The following KIAA1958 variants were observed in gnomAD, a reference collection of about 807,000 sequenced individuals.
KIAA1958 encodes KIAA1958.
In KIAA1958, 14 loss-of-function variants were observed where a neutral mutation model predicts 47.2. The observed-to-expected ratio is 0.30, with a 90% CI of 0.20 to 0.46. The LOEUF is 0.46. Among genes scored for constraint, KIAA1958 ranks in the 20% least tolerant of loss-of-function variants. The pLI is 1.00. For synonymous variants in KIAA1958, 354 were observed against 353.3 expected (o/e 1.00, Z -0.02); for missense variants, 803 against 909.2 (o/e 0.88, Z 1.50).
Position 112,618,283 on chromosome 9 carries a change from G to A in KIAA1958, c.1172-27367G>A. Reference sequence around the variant, plus strand: ...TCACCTTTGCTGACGAGCTCATCCTGCGGAAAAGGGGACTGCTAAGCCGAT... The same window carrying A: ...TCACCTTTGCTGACGAGCTCATCCTACGGAAAAGGGGACTGCTAAGCCGAT... On this transcript the variant is annotated intron_variant, in intron 2 of 3. Coordinates refer to ENST00000337530, the MANE Select transcript of KIAA1958 (RefSeq NM_133465.4). This position sits in a 1 kb window ranked among gnomAD's most constrained non-coding sequence, Gnocchi z 7.1. 1 of 1,550,982 alleles carries A rather than the reference G, an allele frequency of 6.4e-7. No homozygotes were observed. Among genetic ancestry groups the A allele is most frequent in the Non-Finnish European group, 8.7e-7 (1 of 1,147,072 alleles).
chr9:112,496,383 G>T (rs1834052095), intron 1 of KIAA1958, among the ~76,000 whole-genome samples: 1 of 152,214 alleles, frequency 6.6e-6, no homozygotes, highest in South Asian at 2.1e-4. Flanking sequence ...ATTCTGTTCT[G>T]TTAGAAGCCA....
chr9:112,552,958 G>A (rs1023514033), intron 1 of KIAA1958, among the ~76,000 whole-genome samples: 5 of 152,018 alleles, frequency 3.3e-5, no homozygotes, highest in African/African-American at 7.2e-5. Context: ...AGCCTGGTGC[G>A]CGCACAGGGT....
rs1199866561 is a variant in KIAA1958 at position 112,664,147 on chromosome 9, T to A, written c.*4078T>A. ...AGAGCTAGGACACAAAATTCCTAATTCCTGAAGATAGTTAGTCTCCTAATT... is the reference window on the plus strand; with the variant it reads ...AGAGCTAGGACACAAAATTCCTAATACCTGAAGATAGTTAGTCTCCTAATT... On this transcript the variant is annotated 3_prime_UTR_variant, in exon 4 of 4. Coordinates refer to ENST00000337530, the MANE Select transcript of KIAA1958 (RefSeq NM_133465.4). The A allele has an allele frequency of 6.6e-6, 1 of 152,244 alleles. No individual in the cohort carries two copies. The highest frequency in any genetic ancestry group is 2.4e-5 in the African/African-American group (1 of 41,468). The allele number at this position is 152,244 out of a possible 1,614,324, so 9.4% of individuals were successfully genotyped here. A position where few individuals can be genotyped will look rare whatever the true frequency, so the allele number is the denominator to read the frequency against.
intron 1 of KIAA1958, among the ~76,000 whole-genome samples, chr9:112,524,800 AATGAC>A (rs1834612064): frequency 6.6e-6 from 1 of 152,176 alleles, no homozygotes; most frequent in Admixed American, 6.5e-5. Flanking sequence ...GCAAGTCTTT[AATGAC>A]CCTAGTGCAG....
chr9:112,539,684 T>G (rs3983385), intron 1 of KIAA1958, among the ~76,000 whole-genome samples: 1 of 150,918 alleles, frequency 6.6e-6, no homozygotes, highest in African/African-American at 2.4e-5. Flanking sequence ...ATATATATAT[T>G]TTTTTTGCGG....
rs1837329298 is a variant in KIAA1958 at position 112,664,738 on chromosome 9, A to T, written c.*4669A>T. 6.6e-6 allele frequency: 1 copy of T among 152,162 alleles called. No homozygotes were observed. Among genetic ancestry groups the T allele is most frequent in the South Asian group, 2.1e-4 (1 of 4,832 alleles). The allele number at this position is 152,162 out of a possible 1,614,324, so 9.4% of individuals were successfully genotyped here. On this transcript the variant is annotated 3_prime_UTR_variant, in exon 4 of 4. Transcript: ENST00000337530. ...AATGAATCACCCTTATTAAAACAGG[A>T]GGAGGGAGGGATTTGTGGTGACCTA...
chr9:112,521,995 G>A (rs908524801), intron 1 of KIAA1958, among the ~76,000 whole-genome samples: 6 of 30,838 alleles, frequency 1.9e-4, no homozygotes, highest in Middle Eastern at 0.019. Context: ...ATTTTGAGAC[G>A]AGTTTCGCTC....
At chr9:112,591,404 A>G (rs1835918469) in intron 2 of KIAA1958, among the ~76,000 whole-genome samples, 2 of 152,236 alleles carry the variant, frequency 1.3e-5, no homozygotes, top group South Asian at 4.1e-4. Flanking sequence ...TTATGGCTAT[A>G]TACTTAAAGC....
intron 1 of KIAA1958, among the ~76,000 whole-genome samples, chr9:112,532,079 A>G (rs2132812230): frequency 6.6e-6 from 1 of 152,152 alleles, no homozygotes; most frequent in South Asian, 2.1e-4. Flanking sequence ...AATACCTAAC[A>G]CTGTCTAGCT....
At chr9:112,652,729 C>T (rs185891986) in intron 3 of KIAA1958, among the ~76,000 whole-genome samples, 3 of 152,304 alleles carry the variant, frequency 2.0e-5, no homozygotes, top group Admixed American at 1.3e-4. Context: ...AAGTGATCCA[C>T]CCTCCTCAGC....
chr9:112,534,428 G>A (rs1284548306), intron 1 of KIAA1958, among the ~76,000 whole-genome samples: 15 of 152,154 alleles, frequency 9.9e-5, no homozygotes, highest in Non-Finnish European at 2.9e-5. Flanking sequence ...TTTTTAATTA[G>A]TAAGATTGTG....
At chr9:112,624,881 TC>T (rs777721465) in intron 2 of KIAA1958, among the ~76,000 whole-genome samples, 2 of 152,148 alleles carry the variant, frequency 1.3e-5, no homozygotes, top group Non-Finnish European at 2.9e-5. Context: ...ACCCAAGAGA[TC>T]ATCTAGCCCA....
chr9:112,555,131 T>G (rs1835219126), intron 1 of KIAA1958, among the ~76,000 whole-genome samples: 1 of 152,144 alleles, frequency 6.6e-6, no homozygotes, highest in African/African-American at 2.4e-5. Flanking sequence ...AGTGGGTGAG[T>G]TCTTCCAAAA....
chr9:112,540,093 A>G (rs916237374), intron 1 of KIAA1958, among the ~76,000 whole-genome samples: 1 of 152,246 alleles, frequency 6.6e-6, no homozygotes. Context: ...TCTCCAAGGT[A>G]CATTTCAATA....
intron 2 of KIAA1958, among the ~76,000 whole-genome samples, chr9:112,592,012 AG>A (rs1370767602): frequency 6.6e-6 from 1 of 152,112 alleles, no homozygotes; most frequent in African/African-American, 2.4e-5. Flanking sequence ...TCTATTGGCT[AG>A]GGTTAGACCG....
intron 1 of KIAA1958, among the ~76,000 whole-genome samples, chr9:112,554,625 T>C (rs997531194): frequency 6.6e-6 from 1 of 152,198 alleles, no homozygotes; most frequent in African/African-American, 2.4e-5. Flanking sequence ...CACATTCTTA[T>C]ATTGGCTACA....
chr9:112,555,387 C>T (rs1835222892), intron 1 of KIAA1958, among the ~76,000 whole-genome samples: 1 of 152,204 alleles, frequency 6.6e-6, no homozygotes, highest in Non-Finnish European at 1.5e-5. Flanking sequence ...ACAGACATTG[C>T]ACTATACAGA....
intron 2 of KIAA1958, among the ~76,000 whole-genome samples, chr9:112,602,784 G>C (rs1836156654): frequency 6.6e-6 from 1 of 152,008 alleles, no homozygotes; most frequent in South Asian, 2.1e-4. Flanking sequence ...CTCTCTGAAG[G>C]GTCCTAACAA....
At chr9:112,617,944 C>T (rs897021831) in intron 2 of KIAA1958, 2 of 1,550,588 alleles carry the variant, frequency 1.3e-6, no homozygotes, top group Admixed American at 3.9e-5. Context: ...AGACCGCGCT[C>T]CGCAATTTCC....
Sources: allele counts gnomAD v4.1 joint callset (sites outside exome capture counted in the v4.1 genomes callset), GRCh38; gene constraint gnomAD v4.1.1; non-coding constraint Gnocchi (gnomAD v3.1); transcripts MANE v1.5; gene names NCBI Gene and HGNC (gene_info 2026-07-23, HGNC 2026-07-21).